The following PRKCB variants were observed in gnomAD, a reference collection of about 807,000 sequenced individuals.
The protein encoded by PRKCB is protein kinase C beta type.
In PRKCB, 13 loss-of-function variants were observed where a neutral mutation model predicts 81.5. The ratio of observed to expected loss-of-function variants is 0.16; its 90% CI spans 0.10 to 0.25. The LOEUF is 0.25. PRKCB is among the 10% of genes least tolerant of loss of function. The probability of loss-of-function intolerance (pLI) is 1.00; values close to 1 mark genes in which losing one functional copy is unlikely to be tolerated. For synonymous variants in PRKCB, 335 were observed against 321.4 expected (o/e 1.04, Z -0.45); for missense variants, 509 against 875.7 (o/e 0.58, Z 5.29).
intron 5 of PRKCB, among the ~76,000 whole-genome samples, chr16:24,080,676 C>A (rs1351672736): frequency 2.6e-5 from 4 of 152,058 alleles, no homozygotes; most frequent in Non-Finnish European, 4.4e-5. Flanking sequence ...GAAGTAAAAT[C>A]ATAAGAGTAG....
intron 9 of PRKCB, among the ~76,000 whole-genome samples, chr16:24,133,357 C>T (rs1042111618): frequency 1.3e-5 from 2 of 152,172 alleles, no homozygotes; most frequent in African/African-American, 2.4e-5. Context: ...GTGTAAATAA[C>T]ACATGTGCCC....
At chr16:23,968,249 C>T (rs1964513618) in intron 2 of PRKCB, among the ~76,000 whole-genome samples, 1 of 152,146 alleles carries the variant, frequency 6.6e-6, no homozygotes, top group South Asian at 2.1e-4. Context: ...TGTCAGGACC[C>T]TGCAGGAAAT....
chr16:24,197,430 G>T (rs1170189201), intron 16 of PRKCB, among the ~76,000 whole-genome samples: 2 of 152,120 alleles, frequency 1.3e-5, no homozygotes, highest in Non-Finnish European at 2.9e-5. Flanking sequence ...CCTGAGGCAG[G>T]AGCTTGCCTG....
chr16:23,996,398 G>A (rs190255418), intron 3 of PRKCB, among the ~76,000 whole-genome samples: 54 of 152,268 alleles, frequency 3.5e-4, no homozygotes, highest in Non-Finnish European at 6.3e-4. Context: ...ACTCATCAAG[G>A]CTGACCTGGC....
chr16:24,117,337 G>A (rs1337182367), intron 8 of PRKCB, among the ~76,000 whole-genome samples: 1 of 152,216 alleles, frequency 6.6e-6, no homozygotes, highest in East Asian at 1.9e-4. Flanking sequence ...ATCAGAGCTG[G>A]CTGTTTGCTT....
At chr16:24,074,301 C>A (rs1966151498) in intron 5 of PRKCB, among the ~76,000 whole-genome samples, 1 of 152,190 alleles carries the variant, frequency 6.6e-6, no homozygotes, top group Admixed American at 6.5e-5. Flanking sequence ...CCTAAGAGTG[C>A]AGCCTTGGGA....
chr16:23,863,476 C>A (rs1245902882), intron 2 of PRKCB, among the ~76,000 whole-genome samples: 1 of 152,060 alleles, frequency 6.6e-6, no homozygotes, highest in Non-Finnish European at 1.5e-5. Flanking sequence ...GATCAGGACT[C>A]CTTTCCTGTA....
intron 2 of PRKCB, among the ~76,000 whole-genome samples, chr16:23,840,533 C>T (rs373333440): frequency 1.3e-5 from 2 of 152,188 alleles, no homozygotes; most frequent in Admixed American, 6.5e-5. Context: ...CACATACCCA[C>T]ACCTTGCTGT....
chr16:24,172,564 A>G (rs1219639995), intron 11 of PRKCB, among the ~76,000 whole-genome samples: 2 of 152,142 alleles, frequency 1.3e-5, no homozygotes, highest in East Asian at 1.9e-4. Flanking sequence ...CCTGAAGCTC[A>G]GACAGACACC....
intron 3 of PRKCB, among the ~76,000 whole-genome samples, 193 bp downstream of exon 3, chr16:23,988,783 A>T (rs940914118): frequency 6.6e-6 from 1 of 152,104 alleles, no homozygotes; most frequent in African/African-American, 2.4e-5. Flanking sequence ...CTGGATAGGA[A>T]GTCAGCTAGT....
chr16:23,882,190 C>T (rs1267391783), intron 2 of PRKCB, among the ~76,000 whole-genome samples: 1 of 151,426 alleles, frequency 6.6e-6, no homozygotes, highest in Non-Finnish European at 1.5e-5. Context: ...AGGGATCCTC[C>T]CATCTCAGCC....
intron 3 of PRKCB, among the ~76,000 whole-genome samples, chr16:24,022,203 G>C (rs1216192679): frequency 1.3e-5 from 2 of 152,104 alleles, no homozygotes; most frequent in Non-Finnish European, 2.9e-5. Flanking sequence ...CGGGAGTTTA[G>C]GGGATGTGTT....
chr16:24,016,093 C>T (rs1320233720), intron 3 of PRKCB, among the ~76,000 whole-genome samples: 2 of 152,104 alleles, frequency 1.3e-5, no homozygotes, highest in African/African-American at 4.8e-5. Flanking sequence ...TTGTTATCCC[C>T]TAGGGATAAC....
intron 2 of PRKCB, among the ~76,000 whole-genome samples, chr16:23,882,038 CT>C (rs1963130243): frequency 9.2e-5 from 5 of 54,178 alleles, no homozygotes; most frequent in Non-Finnish European, 1.7e-4. Flanking sequence ...TCCTTCCTTC[CT>C]TCCTTCCTTC....
chr16:24,055,106 C>T (rs527753909), intron 5 of PRKCB, among the ~76,000 whole-genome samples: 11 of 152,368 alleles, frequency 7.2e-5, no homozygotes, highest in African/African-American at 2.6e-4. Flanking sequence ...GAGGGGCCCT[C>T]TTGGGCACAG....
chr16:23,931,612 C>T lies in PRKCB; in HGVS notation c.206-56896C>T, dbSNP rs958705452. Among the ~76,000 whole-genome samples the T allele has an allele frequency of 6.6e-5, 10 of 151,998 alleles. No individual in the cohort carries two copies. In the South Asian group the frequency reaches 1.0e-3, roughly 16 times the overall value. On this transcript the variant is annotated intron_variant, in intron 2 of 16. Transcript: ENST00000643927. ...GAGAGGACAGGTGCCAGGCAAGATG[C>T]GGCACTGCCAATCAGTAGAAGCTTC...
chr16:24,196,475 A>T (rs1388556061), intron 16 of PRKCB, among the ~76,000 whole-genome samples: 4 of 152,174 alleles, frequency 2.6e-5, no homozygotes, highest in Non-Finnish European at 5.9e-5. Flanking sequence ...CTGGTGAAGG[A>T]TCTGAAGAGG....
intron 8 of PRKCB, among the ~76,000 whole-genome samples, chr16:24,114,784 T>A (rs984438382): frequency 1.3e-5 from 2 of 152,060 alleles, no homozygotes; most frequent in African/African-American, 4.8e-5. Flanking sequence ...TCCCCAAAAA[T>A]GTATATAATA....
At position 23,953,971 on chromosome 16, in the gene PRKCB, C is replaced by T. The variant is rs993986185; in HGVS notation, c.206-34537C>T. On this transcript the variant is annotated intron_variant, in intron 2 of 16. Coordinates refer to ENST00000643927, the MANE Select transcript of PRKCB (RefSeq NM_002738.7). ...GCAACCTCTGCCTCCCGGGTTCAAG[C>T]GATTCTCCTGCCTCAGCCTTCCAAG... is the stretch of plus-strand genomic sequence containing the variant. Among the ~76,000 whole-genome samples, 100 of 151,232 alleles carry T rather than the reference C, an allele frequency of 6.6e-4. 1 individual carries two copies. The highest frequency in any genetic ancestry group is 2.3e-3 in the African/African-American group (93 of 41,164).
Sources: gnomAD v4.1 joint callset for allele counts (sites outside exome capture counted in the v4.1 genomes callset) on GRCh38, gnomAD v4.1.1 for gene constraint, MANE v1.5 for transcripts, NCBI Gene and HGNC (gene_info 2026-07-23, HGNC 2026-07-21) for gene names.